Variants in PITPNC1 observed in about 807,000 individuals in gnomAD.
The protein encoded by PITPNC1 is cytoplasmic phosphatidylinositol transfer protein 1.
A neutral mutation model predicts 44.7 loss-of-function variants in PITPNC1; 18 were observed. That is an observed-to-expected ratio of 0.40 (90% CI 0.28 to 0.60). The LOEUF is 0.60. Ranked by LOEUF, PITPNC1 falls within the 20% of genes least tolerant of loss-of-function variation. The probability of loss-of-function intolerance (pLI) is 0.39; values close to 1 mark genes in which losing one functional copy is unlikely to be tolerated. For synonymous variants in PITPNC1, 141 were observed against 149.6 expected (o/e 0.94, Z 0.42); for missense variants, 290 against 418.4 (o/e 0.69, Z 2.68).
chr17:67,629,238 C>CTGTGTGTGTGTGTGTG (rs71139164), intron 5 of PITPNC1, among the ~76,000 whole-genome samples: 29,236 of 131,086 alleles, frequency 0.22, 3,527 homozygotes, highest in Middle Eastern at 0.31. Flanking sequence ...CTGGGGTATT[C>CTGTGTGTGTGTGTGTG]TGTGTGTGTG....
chr17:67,539,559 C>T lies in PITPNC1; in HGVS notation c.197+6609C>T, dbSNP rs532700447. 1.6e-4 allele frequency among the ~76,000 whole-genome samples: 25 copies of T among 152,326 alleles called. No individual in the cohort carries two copies. In the South Asian group the frequency reaches 5.0e-3, roughly 30 times the overall value. ...TCAGCTGCAAAAAACAAAAACAAGT[C>T]CCGGCACGATGGCTCACGCCTGTAA... On this transcript the variant is annotated intron_variant, in intron 2 of 8. Transcript: ENST00000581322.
At chr17:67,652,383 C>T (rs941341749) in intron 6 of PITPNC1, among the ~76,000 whole-genome samples, 20 of 152,116 alleles carry the variant, frequency 1.3e-4, no homozygotes, top group African/African-American at 4.6e-4. Context: ...TGTCCCAGTG[C>T]GAGATGGATG....
chr17:67,652,593 G>T (rs768705522), intron 6 of PITPNC1, among the ~76,000 whole-genome samples: 1 of 152,234 alleles, frequency 6.6e-6, no homozygotes, highest in Non-Finnish European at 1.5e-5. Context: ...CATTGTGGAT[G>T]AATTTATAAA....
At chr17:67,649,161 A>C (rs1250129410) in intron 6 of PITPNC1, among the ~76,000 whole-genome samples, 3 of 152,098 alleles carry the variant, frequency 2.0e-5, no homozygotes, top group Non-Finnish European at 4.4e-5. Flanking sequence ...CACACACACA[A>C]AAAATAGTTG....
chr17:67,688,074 C>A (rs1209092059), intron 8 of PITPNC1, among the ~76,000 whole-genome samples: 7 of 149,888 alleles, frequency 4.7e-5, no homozygotes, highest in Non-Finnish European at 7.4e-5. Flanking sequence ...CGCGGTGGCT[C>A]ATGCCTGTAA....
chr17:67,627,334 T>A (rs1053639466), intron 5 of PITPNC1, among the ~76,000 whole-genome samples: 1 of 152,258 alleles, frequency 6.6e-6, no homozygotes, highest in Admixed American at 6.5e-5. Context: ...TGTGATTTGT[T>A]CAGATGGTGG....
At chr17:67,601,175 C>T (rs1180573132) in intron 5 of PITPNC1, among the ~76,000 whole-genome samples, 1 of 152,106 alleles carries the variant, frequency 6.6e-6, no homozygotes, top group East Asian at 1.9e-4. Flanking sequence ...TATACCTGGA[C>T]ACATTGTCAT....
At chr17:67,427,367 C>T (rs940560177) in intron 1 of PITPNC1, among the ~76,000 whole-genome samples, 10 of 152,038 alleles carry the variant, frequency 6.6e-5, no homozygotes, top group Admixed American at 2.6e-4. Context: ...CCCGCAACCA[C>T]GCCCGGCTAA....
intron 1 of PITPNC1, chr17:67,379,203 A>G (rs2037920481): frequency 2.0e-6 from 2 of 985,848 alleles, no homozygotes; most frequent in Non-Finnish European, 1.2e-6. Context: ...TGGTGTGGCA[A>G]CACACATGAA....
Position 67,644,863 on chromosome 17 carries a change from C to T in PITPNC1, c.462+12625C>T, listed in dbSNP as rs183028239. ...TTCTTGGCCCTTAGAACAGAGTTCC[C>T]AAATCAGGTCAGCATCACCCAGGGA... On this transcript the variant is annotated intron_variant, in intron 6 of 8. Coordinates refer to ENST00000581322, the MANE Select transcript of PITPNC1 (RefSeq NM_012417.4). Among the ~76,000 whole-genome samples the T allele has an allele frequency of 2.5e-3, 385 of 152,210 alleles. 1 individual carries two copies. The highest frequency in any genetic ancestry group is 8.8e-3 in the African/African-American group (364 of 41,538).
chr17:67,409,411 T>C (rs2038458518), intron 1 of PITPNC1, among the ~76,000 whole-genome samples: 1 of 152,054 alleles, frequency 6.6e-6, no homozygotes, highest in African/African-American at 2.4e-5. Flanking sequence ...CATATGGATA[T>C]CCATTTGTCC....
chr17:67,673,739 A>T (rs2042550798), intron 7 of PITPNC1, among the ~76,000 whole-genome samples: 1 of 151,840 alleles, frequency 6.6e-6, no homozygotes, highest in East Asian at 1.9e-4. Flanking sequence ...TCACAAGATC[A>T]GGGGTTCGAG....
chr17:67,621,825 G>T (rs1032630211), intron 5 of PITPNC1, among the ~76,000 whole-genome samples: 1 of 152,090 alleles, frequency 6.6e-6, no homozygotes, highest in South Asian at 2.1e-4. Flanking sequence ...GACCAAAAAT[G>T]GTTCTGAGGC....
chr17:67,464,090 G>T (rs983736463), intron 1 of PITPNC1, among the ~76,000 whole-genome samples: 5 of 152,072 alleles, frequency 3.3e-5, no homozygotes, highest in Admixed American at 2.6e-4. Flanking sequence ...CTATTCTGGA[G>T]GCTGAGGCAG....
rs532449251 is a variant in PITPNC1 at position 67,401,846 on chromosome 17, G to GA, written c.48+23656dup. ...AGACAGAGTGAGACTCTACCTCAAA[G>GA]AAAAAAAAAAAAGAAAAGAAAAGAA... On this transcript the variant is annotated intron_variant, in intron 1 of 8. Coordinates refer to ENST00000581322, the MANE Select transcript of PITPNC1 (RefSeq NM_012417.4). 2.2e-3 allele frequency among the ~76,000 whole-genome samples: 314 copies of GA among 144,722 alleles called. 3 individuals are homozygous for GA. Among genetic ancestry groups the GA allele is most frequent in the African/African-American group, 7.2e-3 (278 of 38,840 alleles). The allele number at this position is 144,722 out of a possible 152,430, so 94.9% of individuals were successfully genotyped here. A position where few individuals can be genotyped will look rare whatever the true frequency, so the allele number is the denominator to read the frequency against.
At chr17:67,495,619 G>C (rs2039942973) in intron 1 of PITPNC1, among the ~76,000 whole-genome samples, 1 of 152,186 alleles carries the variant, frequency 6.6e-6, no homozygotes, top group African/African-American at 2.4e-5. Context: ...CCACTTGTAA[G>C]TGAGAATATG....
intron 6 of PITPNC1, among the ~76,000 whole-genome samples, chr17:67,647,465 T>TG (rs2042162788): frequency 1.4e-4 from 2 of 13,892 alleles, no homozygotes; most frequent in Non-Finnish European, 3.1e-4. Context: ...TAATTTTGGG[T>TG]TTTTTTTTTT....
intron 1 of PITPNC1, among the ~76,000 whole-genome samples, chr17:67,494,210 T>TC (rs2039908384): frequency 6.7e-6 from 1 of 149,256 alleles, no homozygotes; most frequent in African/African-American, 2.5e-5. Flanking sequence ...TCTTTCTTTC[T>TC]TTCTTTTTGA....
intron 1 of PITPNC1, among the ~76,000 whole-genome samples, chr17:67,424,887 A>T (rs1332182137): frequency 1.3e-5 from 2 of 151,958 alleles, no homozygotes; most frequent in Non-Finnish European, 2.9e-5. Context: ...GCAACTGAAG[A>T]TCCACAAAAG....
Sources: allele counts gnomAD v4.1 joint callset (sites outside exome capture counted in the v4.1 genomes callset), GRCh38; gene constraint gnomAD v4.1.1; transcripts MANE v1.5; gene names NCBI Gene and HGNC (gene_info 2026-07-23, HGNC 2026-07-21).